GMDS: variants seen among roughly 807,000 people sequenced by gnomAD.
GMDS encodes GDP-mannose 4,6 dehydratase.
GMDS carries 20 observed loss-of-function variants against 49.9 expected under a neutral mutation model. That is an observed-to-expected ratio of 0.40 (90% CI 0.28 to 0.58). The LOEUF (loss-of-function observed/expected upper bound fraction) is 0.58. Among genes scored for constraint, GMDS ranks in the 20% least tolerant of loss-of-function variants. The pLI is 0.42. For synonymous variants in GMDS, 177 were observed against 178.6 expected (o/e 0.99, Z 0.07); for missense variants, 362 against 481.4 (o/e 0.75, Z 2.32).
At chr6:2,237,493 T>C (rs1781415696) in intron 1 of GMDS, among the ~76,000 whole-genome samples, 1 of 151,624 alleles carries the variant, frequency 6.6e-6, no homozygotes. Context: ...GCATGAGAAA[T>C]TGTAAATTGG....
At chr6:1,743,497 C>T (rs796744670) in intron 7 of GMDS, among the ~76,000 whole-genome samples, 28 of 138,574 alleles carry the variant, frequency 2.0e-4, no homozygotes, top group African/African-American at 7.4e-4. Context: ...GAGCCGAGAT[C>T]GCGCCACTGC....
At chr6:1,819,843 G>C (rs1413884906) in intron 7 of GMDS, among the ~76,000 whole-genome samples, 1 of 148,866 alleles carries the variant, frequency 6.7e-6, no homozygotes, top group African/African-American at 2.5e-5. Context: ...ATGACAAGTA[G>C]ACATTTTAGG....
At chr6:1,773,200 T>C (rs1768652064) in intron 7 of GMDS, among the ~76,000 whole-genome samples, 1 of 151,438 alleles carries the variant, frequency 6.6e-6, no homozygotes, top group South Asian at 2.1e-4. Context: ...TCCTCTTTTT[T>C]TTTTTTTTTT....
At chr6:2,088,617 T>C (rs1001926873) in intron 4 of GMDS, among the ~76,000 whole-genome samples, 2 of 152,216 alleles carry the variant, frequency 1.3e-5, no homozygotes, top group Non-Finnish European at 2.9e-5. Context: ...ATGAATGACA[T>C]TGTTACTGGC....
chr6:1,964,901 T>C (rs1764177351), intron 4 of GMDS, among the ~76,000 whole-genome samples: 1 of 152,162 alleles, frequency 6.6e-6, no homozygotes, highest in Non-Finnish European at 1.5e-5. Context: ...AATTGCCACC[T>C]ATGAATGAGA....
intron 6 of GMDS, among the ~76,000 whole-genome samples, chr6:1,944,377 C>T (rs904616653): frequency 1.3e-5 from 2 of 151,982 alleles, no homozygotes; most frequent in East Asian, 1.9e-4. Context: ...TGGTGGCGGG[C>T]GCCTGTAGTC....
chr6:1,678,930 T>C (rs1764702881), intron 9 of GMDS, among the ~76,000 whole-genome samples: 1 of 152,216 alleles, frequency 6.6e-6, no homozygotes, highest in Admixed American at 6.5e-5. Flanking sequence ...AACAAGTACC[T>C]GCCATAGCAC....
At chr6:2,215,258 G>C (rs1422943148) in intron 1 of GMDS, among the ~76,000 whole-genome samples, 2 of 152,094 alleles carry the variant, frequency 1.3e-5, no homozygotes, top group East Asian at 3.9e-4. Flanking sequence ...GAGACAGAGA[G>C]AGGATGTTAT....
intron 9 of GMDS, among the ~76,000 whole-genome samples, chr6:1,706,288 A>T (rs956134380): frequency 6.6e-6 from 1 of 152,204 alleles, no homozygotes; most frequent in African/African-American, 2.4e-5. Context: ...AGGCAGGAAT[A>T]CAAGAAGTAA....
At chr6:1,835,700 T>G (rs1333065407) in intron 7 of GMDS, among the ~76,000 whole-genome samples, 2 of 152,102 alleles carry the variant, frequency 1.3e-5, no homozygotes, top group African/African-American at 2.4e-5. Flanking sequence ...TGAGGAACCA[T>G]GAATAAAACT....
At chr6:2,134,835 C>T (rs912166601) in intron 1 of GMDS, among the ~76,000 whole-genome samples, 1 of 152,168 alleles carries the variant, frequency 6.6e-6, no homozygotes, top group Non-Finnish European at 1.5e-5. Context: ...ATTCTTCAAC[C>T]TTACACTATA....
intron 7 of GMDS, among the ~76,000 whole-genome samples, chr6:1,849,744 C>A (rs1757571183): frequency 6.6e-6 from 1 of 152,144 alleles, no homozygotes; most frequent in Admixed American, 6.5e-5. Context: ...ATAAGAATTA[C>A]CCTATTATGT....
chr6:2,033,559 T>C (rs1012498953), intron 4 of GMDS, among the ~76,000 whole-genome samples: 1 of 152,324 alleles, frequency 6.6e-6, no homozygotes, highest in African/African-American at 2.4e-5. Context: ...AAATTAACAA[T>C]GTTTGATTTA....
intron 8 of GMDS, among the ~76,000 whole-genome samples, chr6:1,736,516 A>G (rs1767006357): frequency 6.6e-6 from 1 of 152,212 alleles, no homozygotes; most frequent in African/African-American, 2.4e-5. Flanking sequence ...TTTTCTCAGC[A>G]TGACTGCTTT....
rs1775971546 is a variant in GMDS at position 2,135,885 on chromosome 6, A to G, written c.103-11154T>C. On this transcript the variant is annotated intron_variant, in intron 1 of 10. Transcript: ENST00000380815. ...TTCATATTAAAGTCTCCAAAATCCA[A>G]CGCAGTCAATGAATTACATAACAAC... 2.6e-5 allele frequency among the ~76,000 whole-genome samples: 4 copies of G among 152,256 alleles called. No individual in the cohort carries two copies. In the South Asian group the frequency reaches 8.3e-4, roughly 31 times the overall value.
At chr6:1,958,115 G>GTTTTTT (rs35647807) in intron 6 of GMDS, among the ~76,000 whole-genome samples, 1 of 129,452 alleles carries the variant, frequency 7.7e-6, no homozygotes, top group Non-Finnish European at 1.6e-5. Flanking sequence ...CTTAAAATAT[G>GTTTTTT]TTTTTTTTTT....
chr6:1,627,704 A>T lies in GMDS; in HGVS notation c.988-3164T>A, dbSNP rs1006001726. Among the ~76,000 whole-genome samples, 5 of 152,186 alleles carry T rather than the reference A, an allele frequency of 3.3e-5. No homozygotes were observed. The South Asian group carries it at 6.2e-4, about 19-fold the overall frequency. ...AGTATGACAATGGGGGCAAAAGCTG[A>T]ATTAAAGTGATGATTTTATGTACAG... On this transcript the variant is annotated intron_variant, in intron 9 of 10. Coordinates refer to ENST00000380815, the MANE Select transcript of GMDS (RefSeq NM_001500.4).
intron 1 of GMDS, among the ~76,000 whole-genome samples, chr6:2,221,402 A>G (rs1303849951): frequency 1.3e-5 from 2 of 150,932 alleles, no homozygotes; most frequent in African/African-American, 4.9e-5. Context: ...TTTTTTTGAG[A>G]CGGAGTCTTG....
At chr6:2,178,761 A>G (rs927215186) in intron 1 of GMDS, among the ~76,000 whole-genome samples, 3 of 152,252 alleles carry the variant, frequency 2.0e-5, no homozygotes, top group Non-Finnish European at 2.9e-5. Flanking sequence ...GCATTAAGTC[A>G]GGATTTAAAA....
Sources: gnomAD v4.1 joint callset for allele counts (sites outside exome capture counted in the v4.1 genomes callset) on GRCh38, gnomAD v4.1.1 for gene constraint, MANE v1.5 for transcripts, NCBI Gene and HGNC (gene_info 2026-07-23, HGNC 2026-07-21) for gene names.